Variants in CPA6 observed in about 807,000 individuals in gnomAD.
The protein encoded by CPA6 is carboxypeptidase B.
CPA6 carries 58 observed loss-of-function variants against 63.3 expected under a neutral mutation model. The observed-to-expected ratio is 0.92, with a 90% CI of 0.74 to 1.14. The LOEUF (loss-of-function observed/expected upper bound fraction) is 1.14, where lower values mean the gene tolerates loss of function less well. Ranked by LOEUF, CPA6 falls within the 50% of genes most tolerant of loss-of-function variation. The pLI is 0.00. For synonymous variants in CPA6, 185 were observed against 179.0 expected (o/e 1.03, Z -0.27); for missense variants, 565 against 526.6 (o/e 1.07, Z -0.71).
chr8:67,502,418 A>T (rs553837745), intron 6 of CPA6, among the ~76,000 whole-genome samples: 4 of 152,326 alleles, frequency 2.6e-5, no homozygotes, highest in Non-Finnish European at 5.9e-5. Flanking sequence ...AGCCATAATC[A>T]TGCTACTGCA....
intron 1 of CPA6, among the ~76,000 whole-genome samples, chr8:67,678,225 T>TCACACACACACACA (rs200034998): frequency 0.012 from 1,649 of 142,902 alleles, 16 homozygotes; most frequent in African/African-American, 0.026. Flanking sequence ...TAAAACTCTG[T>TCACACACACACACA]CTCACACACA....
chr8:67,483,915 G>A, intron 7 of CPA6, 57 bp from the exon 8 acceptor site: 55 of 1,335,220 alleles, frequency 4.1e-5, no homozygotes, highest in Non-Finnish European at 5.5e-5. Context: ...TTATTCGCAT[G>A]CATTTTAATA....
At chr8:67,713,718 G>A (rs1377652694) in intron 1 of CPA6, among the ~76,000 whole-genome samples, 3 of 152,214 alleles carry the variant, frequency 2.0e-5, no homozygotes, top group Non-Finnish European at 4.4e-5. Context: ...GACACAGTGA[G>A]CATTTCTAAA....
At chr8:67,548,233 CCCTCT>C (rs1350592286) in intron 2 of CPA6, among the ~76,000 whole-genome samples, 1 of 145,342 alleles carries the variant, frequency 6.9e-6, no homozygotes, top group Middle Eastern at 3.5e-3. Flanking sequence ...TCCTCCCCTC[CCCTCT>C]CCTCTCTTTT....
chr8:67,595,235 C>T (rs1475371144), intron 2 of CPA6, among the ~76,000 whole-genome samples: 1 of 152,198 alleles, frequency 6.6e-6, no homozygotes, highest in Non-Finnish European at 1.5e-5. Context: ...GATCGTTCCT[C>T]TGGAAGTTTT....
At chr8:67,427,004 C>T (rs1234026153) in intron 10 of CPA6, among the ~76,000 whole-genome samples, 2 of 152,278 alleles carry the variant, frequency 1.3e-5, no homozygotes, top group African/African-American at 4.8e-5. Flanking sequence ...GAAGGACATG[C>T]CATCCCAAAA....
At chr8:67,461,701 C>A (rs999260523) in intron 8 of CPA6, among the ~76,000 whole-genome samples, 8 of 151,734 alleles carry the variant, frequency 5.3e-5, no homozygotes, top group African/African-American at 9.7e-5. Flanking sequence ...CTGACCCCCC[C>A]ACTTCCCTCC....
intron 1 of CPA6, among the ~76,000 whole-genome samples, chr8:67,680,413 G>A (rs34458141): frequency 0.24 from 36,712 of 151,384 alleles, 4,605 homozygotes; most frequent in South Asian, 0.35. Context: ...TGAGGTGGGA[G>A]GTCAAGGCTG....
chr8:67,562,974 TG>T (rs1813250267), intron 2 of CPA6, among the ~76,000 whole-genome samples: 1 of 152,210 alleles, frequency 6.6e-6, no homozygotes, highest in Non-Finnish European at 1.5e-5. Flanking sequence ...CTGTTTTCTC[TG>T]TATACGTTTT....
At position 67,483,768 on chromosome 8, in the gene CPA6, C is replaced by G; in HGVS notation, c.838G>C (p.Asp280His). Residue 280 changes from aspartate to histidine, a missense_variant and splice_region_variant, in exon 8 of 11, where the codon GAT becomes CAT. Asp to His is a moderately conservative substitution (Grantham distance 81). Transcript: ENST00000297770. ...GGATCCCAGTTGGTCCCAAACTTACCACACCACTTCACTTTCCAGTTTCTA... is the reference window on the plus strand; with the variant it reads ...GGATCCCAGTTGGTCCCAAACTTACGACACCACTTCACTTTCCAGTTTCTA... ...ANRNWKVKWCDEGASMHPCDD... is the reference protein window; with the variant it reads ...ANRNWKVKWCHEGASMHPCDD... The G allele has an allele frequency of 1.2e-6, 2 of 1,613,678 alleles. No individual in the cohort carries two copies. Among genetic ancestry groups the G allele is most frequent in the Non-Finnish European group, 1.7e-6 (2 of 1,179,566 alleles).
At chr8:67,433,134 G>C (rs975763537) in intron 9 of CPA6, among the ~76,000 whole-genome samples, 4 of 152,206 alleles carry the variant, frequency 2.6e-5, no homozygotes, top group African/African-American at 7.2e-5. Context: ...AGAGTACACT[G>C]TTTTTGAGTT....
intron 8 of CPA6, chr8:67,452,299 T>C (rs888578328): frequency 6.6e-6 from 1 of 152,256 alleles, no homozygotes; most frequent in Non-Finnish European, 1.5e-5. Context: ...TTACCTGGCT[T>C]TTCATAGGAC....
At chr8:67,530,152 A>G in intron 2 of CPA6, among the ~76,000 whole-genome samples, 1 of 152,116 alleles carries the variant, frequency 6.6e-6, no homozygotes, top group South Asian at 2.1e-4. Context: ...TAAAATCCAT[A>G]CAATAATTGG....
chr8:67,696,611 A>G (rs1337167806), intron 1 of CPA6, among the ~76,000 whole-genome samples: 1 of 152,076 alleles, frequency 6.6e-6, no homozygotes, highest in African/African-American at 2.4e-5. Context: ...TGGAAACAAC[A>G]CAAATGTCCA....
intron 2 of CPA6, among the ~76,000 whole-genome samples, chr8:67,541,414 G>A (rs1026050824): frequency 1.3e-5 from 2 of 152,064 alleles, no homozygotes; most frequent in Non-Finnish European, 2.9e-5. Flanking sequence ...GTTAAAGATC[G>A]ACCCCTGATC....
chr8:67,555,250 T>G (rs1038813311), intron 2 of CPA6, among the ~76,000 whole-genome samples: 1 of 152,194 alleles, frequency 6.6e-6, no homozygotes, highest in African/African-American at 2.4e-5. Context: ...AAACCAACCG[T>G]GTAACTGGAG....
At chr8:67,495,170 G>A (rs1166930180) in intron 6 of CPA6, among the ~76,000 whole-genome samples, 1 of 152,120 alleles carries the variant, frequency 6.6e-6, no homozygotes, top group Non-Finnish European at 1.5e-5. Context: ...TCAGACTAAT[G>A]GTCCTGCCAA....
intron 8 of CPA6, among the ~76,000 whole-genome samples, chr8:67,465,946 T>C (rs1241311980): frequency 6.6e-6 from 1 of 152,160 alleles, no homozygotes; most frequent in African/African-American, 2.4e-5. Flanking sequence ...CAGAATTTGG[T>C]ATCAGGGTGA....
chr8:67,626,970 C>G (rs1349286023), intron 1 of CPA6, among the ~76,000 whole-genome samples: 1 of 151,892 alleles, frequency 6.6e-6, no homozygotes, highest in Admixed American at 6.6e-5. Flanking sequence ...ATTATTTAAC[C>G]CTGAAAGTGA....
Sources: gnomAD v4.1 joint callset for allele counts (sites outside exome capture counted in the v4.1 genomes callset) on GRCh38, gnomAD v4.1.1 for gene constraint, MANE v1.5 for transcripts, NCBI Gene and HGNC (gene_info 2026-07-23, HGNC 2026-07-21) for gene names.